The following CACNA2D3 variants were observed in gnomAD, a reference collection of about 807,000 sequenced individuals.
CACNA2D3 encodes the protein voltage-dependent calcium channel subunit alpha-2/delta-3.
In CACNA2D3, 60 loss-of-function variants were observed where a neutral mutation model predicts 160.6. The ratio of observed to expected loss-of-function variants is 0.37; its 90% CI spans 0.30 to 0.46. The LOEUF (loss-of-function observed/expected upper bound fraction) is 0.46. Ranked by LOEUF, CACNA2D3 falls within the 20% of genes least tolerant of loss-of-function variation. CACNA2D3 has a pLI of 1.00. For synonymous variants in CACNA2D3, 558 were observed against 492.9 expected, an observed-to-expected ratio of 1.13 and a Z score of -1.75; for missense variants, 1,205 against 1,365.0, an observed-to-expected ratio of 0.88 and a Z score of 1.85.
At chr3:54,171,337 T>A (rs1189724627) in intron 2 of CACNA2D3, among the ~76,000 whole-genome samples, 6 of 151,748 alleles carry the variant, frequency 4.0e-5, no homozygotes, top group African/African-American at 1.5e-4. Flanking sequence ...GGCCCTGCAG[T>A]CTTCGTGGTT....
chr3:54,877,776 C>G (rs1161738999), intron 18 of CACNA2D3, among the ~76,000 whole-genome samples: 1 of 152,050 alleles, frequency 6.6e-6, no homozygotes, highest in East Asian at 1.9e-4. Flanking sequence ...CGAGGCTTAC[C>G]TAATCTCTAG....
At chr3:54,665,375 C>T (rs781458405) in intron 11 of CACNA2D3, among the ~76,000 whole-genome samples, 3 of 152,200 alleles carry the variant, frequency 2.0e-5, no homozygotes, top group Non-Finnish European at 4.4e-5. Flanking sequence ...TCTGGCAAAG[C>T]GGTCTGTCGC....
At chr3:54,254,900 A>C (rs1235193562) in intron 2 of CACNA2D3, among the ~76,000 whole-genome samples, 1 of 152,218 alleles carries the variant, frequency 6.6e-6, no homozygotes, top group Non-Finnish European at 1.5e-5. Flanking sequence ...GAAGAGCATT[A>C]ATAGGACATC....
At chr3:54,872,762 C>T (rs983878708) in intron 18 of CACNA2D3, among the ~76,000 whole-genome samples, 1 of 152,116 alleles carries the variant, frequency 6.6e-6, no homozygotes, top group Non-Finnish European at 1.5e-5. Context: ...TACTTAAACC[C>T]AAGTTTAGAC....
At chr3:54,241,084 C>T (rs1211797778) in intron 2 of CACNA2D3, among the ~76,000 whole-genome samples, 7 of 152,108 alleles carry the variant, frequency 4.6e-5, no homozygotes, top group Non-Finnish European at 7.3e-5. Flanking sequence ...TTTTGGGTGC[C>T]CTCAAAATAG....
chr3:54,464,080 ACAG>A (rs770675218), intron 4 of CACNA2D3, among the ~76,000 whole-genome samples: 162 of 152,332 alleles, frequency 1.1e-3, no homozygotes, highest in Middle Eastern at 0.01. Context: ...TGGCTGCAGA[ACAG>A]CAGTTTTTCA....
intron 4 of CACNA2D3, among the ~76,000 whole-genome samples, chr3:54,442,608 C>T (rs545554989): frequency 4.6e-5 from 7 of 152,298 alleles, no homozygotes; most frequent in East Asian, 3.9e-4. Context: ...TGCAGCTGAA[C>T]GCGCCGTCAA....
chr3:54,845,555 G>C (rs184122404), intron 16 of CACNA2D3, among the ~76,000 whole-genome samples: 1 of 152,322 alleles, frequency 6.6e-6, no homozygotes, highest in African/African-American at 2.4e-5. Context: ...ATACATGAAT[G>C]ATTTGTAGGT....
chr3:54,762,546 C>A (rs1474343917), intron 12 of CACNA2D3, among the ~76,000 whole-genome samples: 1 of 152,304 alleles, frequency 6.6e-6, no homozygotes, highest in African/African-American at 2.4e-5. Context: ...CCTTGTTAAT[C>A]GCTGCTTCTT....
At position 54,888,464 on chromosome 3, in the gene CACNA2D3, G is replaced by A. The variant is rs146215448; in HGVS notation, c.2150+412G>A. ...TTCATAGGGTGTTAGATATAACCCTGTGGTTTTATTTCTGAAGTGGAGGGT... is the reference window on the plus strand; with the variant it reads ...TTCATAGGGTGTTAGATATAACCCTATGGTTTTATTTCTGAAGTGGAGGGT... On this transcript the variant is annotated intron_variant, in intron 24 of 37. Coordinates refer to ENST00000474759, the MANE Select transcript of CACNA2D3 (RefSeq NM_018398.3). Among the ~76,000 whole-genome samples the A allele has an allele frequency of 7.7e-3, 1,167 of 152,262 alleles. 10 individuals are homozygous for A. Among genetic ancestry groups the A allele is most frequent in the African/African-American group, 0.026 (1,083 of 41,560 alleles).
At position 54,459,850 on chromosome 3, in the gene CACNA2D3, G is replaced by A. The variant is rs527362734; in HGVS notation, c.382-43642G>A. Among the ~76,000 whole-genome samples, 366 of 152,290 alleles carry A rather than the reference G, an allele frequency of 2.4e-3. 3 individuals carry two copies. Among genetic ancestry groups the A allele is most frequent in the African/African-American group, 8.4e-3 (350 of 41,566 alleles). On this transcript the variant is annotated intron_variant, in intron 4 of 37. Transcript: ENST00000474759. ...TTTTAGACATGAAGTCCTTGCCCATGCCTATGTCCTGAATGGTAATGCCTA... is the reference window on the plus strand; with the variant it reads ...TTTTAGACATGAAGTCCTTGCCCATACCTATGTCCTGAATGGTAATGCCTA...
intron 2 of CACNA2D3, among the ~76,000 whole-genome samples, chr3:54,169,830 C>T (rs1177339384): frequency 1.3e-5 from 2 of 151,948 alleles, no homozygotes; most frequent in Non-Finnish European, 2.9e-5. Context: ...GAAGAAAGGC[C>T]TCTCTCTGAA....
chr3:54,885,176 G>A lies in CACNA2D3; in HGVS notation c.1913-105G>A, dbSNP rs372135544. ...CCAAGGCAGGTCCCTTAGGGTTGATGTCTACCCTTAACCCACCCCGCAGCC... is the reference window on the plus strand; with the variant it reads ...CCAAGGCAGGTCCCTTAGGGTTGATATCTACCCTTAACCCACCCCGCAGCC... On this transcript the variant is annotated intron_variant, in intron 21 of 37. Coordinates refer to ENST00000474759, the MANE Select transcript of CACNA2D3 (RefSeq NM_018398.3). The A allele has an allele frequency of 4.0e-4, 462 of 1,146,730 alleles. 4 individuals are homozygous for A. The highest frequency in any genetic ancestry group is 3.4e-3 in the South Asian group (252 of 73,988). The allele number at this position is 1,146,730 out of a possible 1,614,324, so 71.0% of individuals were successfully genotyped here. A position where few individuals can be genotyped will look rare whatever the true frequency, so the allele number is the denominator to read the frequency against.
intron 4 of CACNA2D3, among the ~76,000 whole-genome samples, chr3:54,486,501 T>C (rs978578330): frequency 1.3e-5 from 2 of 152,236 alleles, no homozygotes; most frequent in Non-Finnish European, 2.9e-5. Context: ...GACTCACTAA[T>C]CTAGGCGTTC....
At chr3:54,729,719 G>C (rs990017753) in intron 11 of CACNA2D3, among the ~76,000 whole-genome samples, 1 of 152,148 alleles carries the variant, frequency 6.6e-6, no homozygotes, top group Admixed American at 6.6e-5. Context: ...GTGTTTATGG[G>C]CTGGGCATGG....
At chr3:54,420,645 G>A (rs1699823438) in intron 4 of CACNA2D3, among the ~76,000 whole-genome samples, 2 of 152,170 alleles carry the variant, frequency 1.3e-5, no homozygotes, top group Non-Finnish European at 2.9e-5. Flanking sequence ...TGGGGGTTAT[G>A]ACCATCAAAT....
chr3:55,053,902 T>G (rs1213882939), intron 35 of CACNA2D3, among the ~76,000 whole-genome samples: 1 of 151,986 alleles, frequency 6.6e-6, no homozygotes, highest in East Asian at 1.9e-4. Context: ...GACCATTTAT[T>G]TTTAATGAAG....
intron 11 of CACNA2D3, among the ~76,000 whole-genome samples, chr3:54,744,859 G>A (rs1311284494): frequency 1.3e-5 from 2 of 152,350 alleles, no homozygotes; most frequent in Non-Finnish European, 2.9e-5. Flanking sequence ...GATCACCAAT[G>A]TGAGGTGGGT....
At chr3:54,463,605 C>G (rs1005036787) in intron 4 of CACNA2D3, among the ~76,000 whole-genome samples, 1 of 152,204 alleles carries the variant, frequency 6.6e-6, no homozygotes, top group African/African-American at 2.4e-5. Flanking sequence ...GTTCTCGAGC[C>G]TTGGCTTTCA....
Sources: allele counts gnomAD v4.1 joint callset (sites outside exome capture counted in the v4.1 genomes callset), GRCh38; gene constraint gnomAD v4.1.1; transcripts MANE v1.5; gene names NCBI Gene and HGNC (gene_info 2026-07-23, HGNC 2026-07-21).